TMEM177: variants seen among roughly 807,000 people sequenced by gnomAD.
TMEM177 encodes the protein transmembrane protein 177.
Under a neutral mutation model 14.2 loss-of-function variants are expected in TMEM177, and 4 were observed. The observed-to-expected ratio is 0.28, with a 90% CI of 0.14 to 0.64. The LOEUF (loss-of-function observed/expected upper bound fraction) is 0.64. Among genes scored for constraint, TMEM177 ranks in the 30% least tolerant of loss-of-function variants. TMEM177 has a pLI of 0.82. For synonymous variants in TMEM177, 179 were observed against 174.5 expected (o/e 1.03, Z -0.20); for missense variants, 344 against 405.2 (o/e 0.85, Z 1.30).
the TMEM177 span, chr2:119,698,815 G>A: frequency 6.6e-6 from 1 of 152,408 alleles, no homozygotes; most frequent in African/African-American, 2.4e-5. Flanking sequence ...TGGCCAACAT[G>A]GTGAAACCCC....
chr2:119,698,014 A>G, the TMEM177 span, among the ~76,000 whole-genome samples: 1 of 152,190 alleles, frequency 6.6e-6, no homozygotes, highest in Non-Finnish European at 1.5e-5. Context: ...CCTAAAAAGC[A>G]GACAATAGCC....
chr2:119,714,458 C>T, the TMEM177 span, among the ~76,000 whole-genome samples: 2 of 152,254 alleles, frequency 1.3e-5, no homozygotes, highest in African/African-American at 2.4e-5. Context: ...AAAGCATTTC[C>T]GAGACATGAG....
At chr2:119,717,448 C>T in the TMEM177 span, among the ~76,000 whole-genome samples, 1 of 152,130 alleles carries the variant, frequency 6.6e-6, no homozygotes, top group Non-Finnish European at 1.5e-5. Flanking sequence ...CCCCAGGAAG[C>T]TGGCCCTGCC....
the TMEM177 span, among the ~76,000 whole-genome samples, chr2:119,694,178 AACAC>A: frequency 6.9e-4 from 96 of 139,952 alleles, 1 homozygote; most frequent in East Asian, 9.3e-3. Context: ...ACAACACACA[AACAC>A]ACCACACACA....
downstream of TMEM177, among the ~76,000 whole-genome samples, chr2:119,691,402 C>G (rs922330370): frequency 6.6e-6 from 1 of 152,114 alleles, no homozygotes; most frequent in Non-Finnish European, 1.5e-5. Flanking sequence ...CCAGTCATTG[C>G]CCAAGGTGCA....
chr2:119,699,845 G>A, the TMEM177 span: 1 of 408,672 alleles, frequency 2.4e-6, no homozygotes. Flanking sequence ...TGGACACAAG[G>A]TCAGTGGTCC....
the TMEM177 span, among the ~76,000 whole-genome samples, chr2:119,717,605 C>CTTTTTTTTTTTTTTTTTTTTT: frequency 1.1e-5 from 1 of 88,446 alleles, no homozygotes; most frequent in Admixed American, 1.4e-4. Flanking sequence ...TGACTTGAGT[C>CTTTTTTTTTTTTTTTTTTTTT]TTTTTTTTTT....
the TMEM177 span, among the ~76,000 whole-genome samples, chr2:119,721,130 T>C: frequency 6.6e-6 from 1 of 152,234 alleles, no homozygotes; most frequent in Non-Finnish European, 1.5e-5. Flanking sequence ...TATGCTGAGA[T>C]GGCTCAGGAT....
chr2:119,695,059 A>G, the TMEM177 span, among the ~76,000 whole-genome samples: 1 of 152,190 alleles, frequency 6.6e-6, no homozygotes, highest in South Asian at 2.1e-4. Flanking sequence ...GTGTCAGCGG[A>G]TACGGCAAAG....
Position 119,681,381 on chromosome 2 carries a change from C to G in TMEM177, c.528C>G (p.Cys176Trp), listed in dbSNP as rs199500029. The change falls in exon 2 of 2, where the codon TGC becomes TGG. Residue 176 changes from cysteine to tryptophan, a missense_variant. By Grantham distance (215) the Cys-to-Trp change is radical (BLOSUM62 -2). Coordinates refer to ENST00000272521, the MANE Select transcript of TMEM177 (RefSeq NM_030577.3). ...TGCACGCCCTGCTGGCCCCAGCTTG[C>G]CTGGCAGGGACCTGGGCACTGGGCG... The part of the protein sequence containing the change: ...TAVHALLAPA[C>W]LAGTWALGVG... 6.2e-7 allele frequency: 1 copy of G among 1,613,540 alleles called. No homozygotes were observed. Among genetic ancestry groups the G allele is most frequent in the East Asian group, 2.2e-5 (1 of 44,860 alleles).
At chr2:119,716,960 C>T in the TMEM177 span, among the ~76,000 whole-genome samples, 2 of 152,270 alleles carry the variant, frequency 1.3e-5, no homozygotes, top group East Asian at 3.9e-4. Flanking sequence ...AAACATAAAT[C>T]GAGAGATGAT....
the TMEM177 span, among the ~76,000 whole-genome samples, chr2:119,694,208 A>G: frequency 6.7e-6 from 1 of 150,040 alleles, no homozygotes. Flanking sequence ...CCATGCACAC[A>G]CAACACAAAC....
the TMEM177 span, among the ~76,000 whole-genome samples, chr2:119,719,228 G>T: frequency 6.6e-6 from 1 of 152,136 alleles, no homozygotes; most frequent in African/African-American, 2.4e-5. Context: ...CTCCCCTAAG[G>T]TGACAACACT....
the TMEM177 span, among the ~76,000 whole-genome samples, chr2:119,693,852 C>G: frequency 1.1e-5 from 1 of 87,406 alleles, no homozygotes; most frequent in Non-Finnish European, 2.5e-5. Flanking sequence ...CATCACACCA[C>G]ACACATCACA....
chr2:119,705,805 T>C, the TMEM177 span, among the ~76,000 whole-genome samples: 6 of 151,766 alleles, frequency 4.0e-5, no homozygotes, highest in East Asian at 3.9e-4. Flanking sequence ...GTGTGACTCA[T>C]TGGGGGCCAT....
At chr2:119,699,999 T>C in the TMEM177 span, 1 of 329,400 alleles carries the variant, frequency 3.0e-6, no homozygotes, top group Non-Finnish European at 6.1e-6. Flanking sequence ...CTTAGAGAGC[T>C]CATGGTTGAT....
the TMEM177 span, among the ~76,000 whole-genome samples, chr2:119,710,350 G>A: frequency 6.6e-6 from 1 of 152,238 alleles, no homozygotes; most frequent in Non-Finnish European, 1.5e-5. Context: ...CACTGCAAGA[G>A]AATTCCAGAT....
the TMEM177 span, chr2:119,699,907 G>A: frequency 8.8e-6 from 4 of 457,002 alleles, no homozygotes; most frequent in South Asian, 6.5e-5. Context: ...AGAGAGCAAT[G>A]CTGAACTTAA....
downstream of TMEM177, among the ~76,000 whole-genome samples, chr2:119,688,910 G>T (rs993143105): frequency 6.6e-6 from 1 of 152,208 alleles, no homozygotes; most frequent in Non-Finnish European, 1.5e-5. Flanking sequence ...GCCTCCACAG[G>T]CTGCTTTCCA....
Sources: gnomAD v4.1 joint callset for allele counts (sites outside exome capture counted in the v4.1 genomes callset) on GRCh38, gnomAD v4.1.1 for gene constraint, MANE v1.5 for transcripts, NCBI Gene and HGNC (gene_info 2026-07-23, HGNC 2026-07-21) for gene names.